CACNA1B: variants seen among roughly 807,000 people sequenced by gnomAD.
The protein encoded by CACNA1B is calcium voltage-gated channel subunit alpha1 B, also known as voltage-dependent N-type calcium channel subunit alpha-1B.
A neutral mutation model predicts 247.2 loss-of-function variants in CACNA1B; 70 were observed. The observed-to-expected ratio is 0.28, with a 90% CI of 0.23 to 0.35. The LOEUF is 0.35. Ranked by LOEUF, CACNA1B falls within the 10% of genes least tolerant of loss-of-function variation. CACNA1B has a pLI of 1.00. For missense variants in CACNA1B, 2,367 were observed against 3,197.4 expected (o/e 0.74, Z 6.26); for synonymous variants, 1,231 against 1,294.4 (o/e 0.95, Z 1.05).
In CACNA1B at chr9:137,913,229, G is replaced by C; in HGVS notation, c.580G>C (p.Val194Leu). Residue 194 changes from valine to leucine, a missense_variant, in exon 4 of 47, where the codon GTG (valine) becomes CTG (leucine). Coordinates refer to ENST00000371372, the MANE Select transcript of CACNA1B (RefSeq NM_000718.4). The surrounding 1 kb of genome is among the most constrained non-coding windows in gnomAD (Gnocchi z 5.2). ...TDFDLRTLRAVRVLRPLKLVS... is the reference protein window; with the variant it reads ...TDFDLRTLRALRVLRPLKLVS... Reference sequence around the variant, plus strand: ...CTTCGACCTGCGAACACTGAGGGCTGTGCGTGTGCTGAGGCCCCTGAAGCT... The same window carrying C: ...CTTCGACCTGCGAACACTGAGGGCTCTGCGTGTGCTGAGGCCCCTGAAGCT... The C allele has an allele frequency of 1.9e-6, 3 of 1,613,946 alleles. No individual in the cohort carries two copies. The highest frequency in any genetic ancestry group is 2.5e-6 in the Non-Finnish European group (3 of 1,179,856).
At chr9:138,045,387 GA>G (rs1293825427) in intron 21 of CACNA1B, among the ~76,000 whole-genome samples, 7 of 152,216 alleles carry the variant, frequency 4.6e-5, no homozygotes, top group Non-Finnish European at 8.8e-5. Context: ...TTCAGGCAGA[GA>G]GAGTGGTGGT....
At chr9:138,026,904 C>T (rs1958928363) in intron 20 of CACNA1B, among the ~76,000 whole-genome samples, 2 of 152,178 alleles carry the variant, frequency 1.3e-5, no homozygotes, top group South Asian at 4.1e-4. Flanking sequence ...AATGAGAGTT[C>T]CTGTTGCTCC....
chr9:138,013,469 G>T (rs958952699), intron 18 of CACNA1B, among the ~76,000 whole-genome samples: 1 of 152,254 alleles, frequency 6.6e-6, no homozygotes, highest in Non-Finnish European at 1.5e-5. Context: ...TTGTGGCTGG[G>T]ATTGTCTCTG....
At chr9:137,976,417 G>A (rs1274068277) in intron 12 of CACNA1B, among the ~76,000 whole-genome samples, 1 of 152,252 alleles carries the variant, frequency 6.6e-6, no homozygotes. Flanking sequence ...CAGCACTTCT[G>A]GGGTTGGGGC....
At position 138,052,565 on chromosome 9, in the gene CACNA1B, G is replaced by A. The variant is rs1959332650; in HGVS notation, c.3807+377G>A. Among the ~76,000 whole-genome samples the A allele has an allele frequency of 6.6e-6, 1 of 152,190 alleles. No homozygotes were observed. Among genetic ancestry groups the A allele is most frequent in the Non-Finnish European group, 1.5e-5 (1 of 68,024 alleles). On this transcript the variant is annotated intron_variant, in intron 25 of 46. Coordinates refer to ENST00000371372, the MANE Select transcript of CACNA1B (RefSeq NM_000718.4). The surrounding 1 kb of genome is among the most constrained non-coding windows in gnomAD (Gnocchi z 5.1). ...GGCATGGGCTGAGCTTCTGGATAAA[G>A]ACAGAGAATAAACTCAAACTCATAG...
At chr9:138,116,089 G>T (rs968992474) in intron 42 of CACNA1B, among the ~76,000 whole-genome samples, 3 of 152,186 alleles carry the variant, frequency 2.0e-5, no homozygotes, top group Admixed American at 6.5e-5. Flanking sequence ...ACACGCACCT[G>T]CTTCCCTTTC....
At chr9:137,884,760 G>C (rs1956980338) in intron 3 of CACNA1B, among the ~76,000 whole-genome samples, 1 of 152,068 alleles carries the variant, frequency 6.6e-6, no homozygotes, top group African/African-American at 2.4e-5. Flanking sequence ...TGCTGAGTGT[G>C]TCGGCCCTTG....
chr9:137,997,602 A>G (rs986215356), intron 15 of CACNA1B, among the ~76,000 whole-genome samples: 1 of 152,214 alleles, frequency 6.6e-6, no homozygotes, highest in Non-Finnish European at 1.5e-5. Flanking sequence ...GGGAAATGCA[A>G]ATTAAACCCT....
rs184354868 is a variant in CACNA1B at position 138,004,733 on chromosome 9, A to T, written c.1975-2034A>T. ...GAACCCTAAAGACTTGGATCCATTC[A>T]TCCAACAAGGGACTACTATCCACAA... On this transcript the variant is annotated intron_variant, in intron 15 of 46. Transcript: ENST00000371372. Among the ~76,000 whole-genome samples, 179 of 152,276 alleles carry T rather than the reference A, an allele frequency of 1.2e-3. 1 individual carries two copies. Among genetic ancestry groups the T allele is most frequent in the African/African-American group, 4.2e-3 (173 of 41,548 alleles).
chr9:137,958,644 G>T (rs747223839), intron 10 of CACNA1B, among the ~76,000 whole-genome samples: 1 of 152,150 alleles, frequency 6.6e-6, no homozygotes, highest in Non-Finnish European at 1.5e-5. Context: ...GTGAATGGCT[G>T]TCCTTCCTCA....
chr9:137,941,318 A>G (rs1294665559), intron 6 of CACNA1B, among the ~76,000 whole-genome samples: 1 of 152,168 alleles, frequency 6.6e-6, no homozygotes, highest in African/African-American at 2.4e-5. Flanking sequence ...CCCTTTTACA[A>G]TAGCTGCAAA....
rs1959319983 is a variant in CACNA1B, at chr9:138,052,274, TGCATGA to T, written c.3807+88_3807+93del. The T allele has an allele frequency of 4.4e-4, 242 of 545,822 alleles. No individual in the cohort carries two copies. Among genetic ancestry groups the T allele is most frequent in the Non-Finnish European group, 5.1e-4 (173 of 340,640 alleles). 33.8% of individuals were successfully genotyped at this position (545,822 alleles called of 1,614,324 possible). On this transcript the variant is annotated intron_variant, in intron 25 of 46. Transcript: ENST00000371372. This position sits in a 1 kb window ranked among gnomAD's most constrained non-coding sequence, Gnocchi z 5.1. ...CGTGTGTGTGTGTGTATGCATGCAG[TGCATGA>T]GTGTGTGTGTGTTCACATCACACCC...
intron 39 of CACNA1B, among the ~76,000 whole-genome samples, chr9:138,108,043 AAG>A (rs1199342935): frequency 6.8e-6 from 1 of 147,968 alleles, no homozygotes; most frequent in Non-Finnish European, 1.5e-5. Flanking sequence ...AAAAAAAAAA[AAG>A]AGATAACCAG....
chr9:138,113,911 A>G (rs1180644174), intron 40 of CACNA1B, among the ~76,000 whole-genome samples: 10 of 117,908 alleles, frequency 8.5e-5, no homozygotes, highest in Admixed American at 1.7e-4. Flanking sequence ...GGAGCGCAGG[A>G]AGGTGCCCAA....
intron 6 of CACNA1B, among the ~76,000 whole-genome samples, chr9:137,931,872 G>A (rs573545245): frequency 8.7e-4 from 132 of 152,274 alleles, no homozygotes; most frequent in Middle Eastern, 3.4e-3. Flanking sequence ...AGTCATTAGT[G>A]ATGGGCCGGC....
rs1230893975 is a variant in CACNA1B at position 137,882,196 on chromosome 9, T to A, written c.391-548T>A. Among the ~76,000 whole-genome samples the A allele has an allele frequency of 6.6e-6, 1 of 152,216 alleles. No homozygotes were observed. Among genetic ancestry groups the A allele is most frequent in the Non-Finnish European group, 1.5e-5 (1 of 68,032 alleles). ...TGAGTTCAAGAAAGCCTGAGCTGTA[T>A]CCAGGCAACCTTGTGCAGGTTCCCA... On this transcript the variant is annotated intron_variant, in intron 2 of 46. Coordinates refer to ENST00000371372, the MANE Select transcript of CACNA1B (RefSeq NM_000718.4). The surrounding 1 kb of genome is among the most constrained non-coding windows in gnomAD (Gnocchi z 4.0).
intron 25 of CACNA1B, among the ~76,000 whole-genome samples, chr9:138,053,645 C>T (rs62580909): frequency 0.011 from 1,557 of 145,918 alleles, 14 homozygotes; most frequent in Non-Finnish European, 0.014. Context: ...CACCCTTCCC[C>T]TCATGGCCCC....
rs149613235 is a variant in CACNA1B at position 137,893,801 on chromosome 9, A to C, written c.530+10918A>C. Reference sequence around the variant, plus strand: ...TCCCCCAAAGGAAACCTCTTAGGAAACTGTAATAGCAGGGCCACGGTCTCA... The same window carrying C: ...TCCCCCAAAGGAAACCTCTTAGGAACCTGTAATAGCAGGGCCACGGTCTCA... On this transcript the variant is annotated intron_variant, in intron 3 of 46. Coordinates refer to ENST00000371372, the MANE Select transcript of CACNA1B (RefSeq NM_000718.4). 3.4e-3 allele frequency among the ~76,000 whole-genome samples: 513 copies of C among 152,340 alleles called. 2 individuals carry two copies. Among genetic ancestry groups the C allele is most frequent in the South Asian group, 0.015 (74 of 4,826 alleles).
In CACNA1B at chr9:137,953,003, A is replaced by G. The variant is rs573267271; in HGVS notation, c.1070+626A>G. ...TCTTTGTGCCAAGCTACTCCAGGGG[A>G]TGGTGAGAGAGAGGGCTCAGGGCTG... is the stretch of plus-strand genomic sequence containing the variant. On this transcript the variant is annotated intron_variant, in intron 7 of 46. Coordinates refer to ENST00000371372, the MANE Select transcript of CACNA1B (RefSeq NM_000718.4). Among the ~76,000 whole-genome samples the G allele has an allele frequency of 5.3e-5, 8 of 152,008 alleles. No individual in the cohort carries two copies. The South Asian group carries it at 1.7e-3, about 32-fold the overall frequency.
Sources: allele counts gnomAD v4.1 joint callset (sites outside exome capture counted in the v4.1 genomes callset), GRCh38; gene constraint gnomAD v4.1.1; non-coding constraint Gnocchi (gnomAD v3.1); transcripts MANE v1.5; gene names NCBI Gene and HGNC (gene_info 2026-07-23, HGNC 2026-07-21).